The following SRD5A3 variants were observed in gnomAD, a reference collection of about 807,000 sequenced individuals.
The protein encoded by SRD5A3 is polyprenal reductase.
A neutral mutation model predicts 34.3 loss-of-function variants in SRD5A3; 24 were observed. That is an observed-to-expected ratio of 0.70 (90% confidence interval 0.51 to 0.99). The LOEUF is 0.99. Ranked by LOEUF, SRD5A3 falls within the 50% of genes least tolerant of loss-of-function variation. The pLI is 0.00. For synonymous variants in SRD5A3, 161 were observed against 167.3 expected (o/e 0.96, Z 0.29); for missense variants, 350 against 388.2 (o/e 0.90, Z 0.83).
chr4:55,362,608 C>T (rs1344597665), intron 2 of SRD5A3, among the ~76,000 whole-genome samples: 2 of 150,778 alleles, frequency 1.3e-5, no homozygotes, highest in Non-Finnish European at 3.0e-5. Flanking sequence ...GTGCACGCCA[C>T]TATGCCCAGC....
In SRD5A3 at chr4:55,355,686, A is replaced by G. The variant is rs116074224; in HGVS notation, c.222-3660A>G. Among the ~76,000 whole-genome samples, 1,193 of 152,296 alleles carry G rather than the reference A, an allele frequency of 7.8e-3. 12 individuals are homozygous for G. The highest frequency in any genetic ancestry group is 0.014 in the Middle Eastern group (4 of 294). On this transcript the variant is annotated intron_variant, in intron 1 of 4. Transcript: ENST00000264228. ...AACATAAGGCTGGAAAAGCAAGTTCAGGCACGCCTAGGTTGCATGAAAGCA... is the reference window on the plus strand; with the variant it reads ...AACATAAGGCTGGAAAAGCAAGTTCGGGCACGCCTAGGTTGCATGAAAGCA...
intron 1 of SRD5A3, 107 bp downstream of exon 1, chr4:55,346,664 G>C (rs1194841488): frequency 7.1e-6 from 8 of 1,119,966 alleles, no homozygotes; most frequent in Non-Finnish European, 9.6e-6. Flanking sequence ...ACCCGGCCTG[G>C]GAGGCCCTGG....
At chr4:55,356,463 G>C (rs1257012160) in intron 1 of SRD5A3, among the ~76,000 whole-genome samples, 1 of 152,016 alleles carries the variant, frequency 6.6e-6, no homozygotes, top group African/African-American at 2.4e-5. Flanking sequence ...TTGTCCATCA[G>C]CCAGAGAGAT....
chr4:55,362,208 A>G (rs1441459452), intron 2 of SRD5A3, among the ~76,000 whole-genome samples: 2 of 150,000 alleles, frequency 1.3e-5, no homozygotes, highest in East Asian at 4.0e-4. Context: ...GCTCACCACA[A>G]CCTACCCCTC....
At chr4:55,365,302 G>A (rs185023678) in intron 3 of SRD5A3, among the ~76,000 whole-genome samples, 8 of 152,278 alleles carry the variant, frequency 5.3e-5, no homozygotes, top group Non-Finnish European at 5.9e-5. Flanking sequence ...TGAGTGCCCC[G>A]TGAAAGTCGT....
At position 55,359,446 on chromosome 4, in the gene SRD5A3, C is replaced by T. The variant is rs1719595042; in HGVS notation, c.322C>T (p.Leu108Phe). 3 of 1,613,948 alleles carry T rather than the reference C, an allele frequency of 1.9e-6. No homozygotes were observed. The highest frequency in any genetic ancestry group is 2.5e-6 in the Non-Finnish European group (3 of 1,180,012). Residue 108 changes from leucine to phenylalanine, a missense_variant, in exon 2 of 5, where the codon CTT (leucine) becomes TTT (phenylalanine). Coordinates refer to ENST00000264228, the MANE Select transcript of SRD5A3 (RefSeq NM_024592.5). The part of the protein sequence containing the change: ...LFLGAPFPSW[L>F]HGLLRILGAA... Reference sequence around the variant, plus strand: ...CCTGGGAGCACCTTTTCCAAGCTGGCTTCATGGTTTGCTCAGAATTCTCGG... The same window carrying T: ...CCTGGGAGCACCTTTTCCAAGCTGGTTTCATGGTTTGCTCAGAATTCTCGG...
At chr4:55,361,482 C>CAA (rs59113946) in intron 2 of SRD5A3, among the ~76,000 whole-genome samples, 160 of 101,980 alleles carry the variant, frequency 1.6e-3, no homozygotes, top group African/African-American at 5.7e-3. Flanking sequence ...GACTCCGTCT[C>CAA]AAAAAAAAAA....
intron 3 of SRD5A3, 35 bp from the exon 4 acceptor site, chr4:55,367,553 T>G: frequency 6.2e-7 from 1 of 1,612,374 alleles, no homozygotes; most frequent in Non-Finnish European, 8.5e-7. Context: ...CCTGTGAAAT[T>G]GTTTAGTGTT....
chr4:55,361,628 C>G (rs1719688802), intron 2 of SRD5A3, among the ~76,000 whole-genome samples: 1 of 151,930 alleles, frequency 6.6e-6, no homozygotes. Context: ...ATGGTGAAAC[C>G]CCCGTCTCTA....
At position 55,364,259 on chromosome 4, in the gene SRD5A3, G is replaced by A. The variant is rs746499798; in HGVS notation, c.550G>A (p.Asp184Asn). The change falls in exon 3 of 5, where the codon GAT becomes AAT. Residue 184 changes from aspartate (D) to asparagine (N), a missense_variant. Asp to Asn is a conservative substitution (Grantham distance 23). Coordinates refer to ENST00000264228, the MANE Select transcript of SRD5A3 (RefSeq NM_024592.5). ...AACTGTGCTGAGCCAAGTGCCAATG[G>A]ATGGCAGGAATGGTGAGTGGATCCA... ...GLTVLSQVPM[D>N]GRNAYITGKN... 17 of 1,613,996 alleles carry A rather than the reference G, an allele frequency of 1.1e-5. No individual in the cohort carries two copies. Among genetic ancestry groups the A allele is most frequent in the Admixed American group, 1.7e-5 (1 of 59,996 alleles).
chr4:55,362,953 C>T (rs974643412), intron 2 of SRD5A3, among the ~76,000 whole-genome samples: 2 of 150,492 alleles, frequency 1.3e-5, no homozygotes, highest in Admixed American at 1.3e-4. Flanking sequence ...TCAAGCAGTT[C>T]TACTACCTCA....
chr4:55,362,153 A>T (rs1252534317), intron 2 of SRD5A3, among the ~76,000 whole-genome samples: 1 of 143,490 alleles, frequency 7.0e-6, no homozygotes, highest in Non-Finnish European at 1.5e-5. Flanking sequence ...TTTGAGATGG[A>T]GCCTTGCTCT....
intron 1 of SRD5A3, among the ~76,000 whole-genome samples, chr4:55,353,239 A>G (rs183935132): frequency 1.9e-3 from 282 of 152,304 alleles, no homozygotes; most frequent in African/African-American, 6.3e-3. Flanking sequence ...GTCTAGCTAA[A>G]GGTTTGTAAA....
intron 1 of SRD5A3, among the ~76,000 whole-genome samples, chr4:55,355,387 G>A (rs1370298427): frequency 6.6e-6 from 1 of 151,928 alleles, no homozygotes; most frequent in Non-Finnish European, 1.5e-5. Context: ...GAACCCAGGA[G>A]GAAGAGTTTG....
chr4:55,356,023 T>C (rs1313885479), intron 1 of SRD5A3, among the ~76,000 whole-genome samples: 1 of 147,752 alleles, frequency 6.8e-6, no homozygotes, highest in African/African-American at 2.5e-5. Context: ...TTTTTTTTTT[T>C]TTTGATGCAA....
At chr4:55,346,868 A>G (rs1242171456) in intron 1 of SRD5A3, among the ~76,000 whole-genome samples, 3 of 152,208 alleles carry the variant, frequency 2.0e-5, no homozygotes, top group African/African-American at 4.8e-5. Context: ...ACGCATCCGA[A>G]TTTAGGCCTG....
At chr4:55,354,879 G>A (rs528492146) in intron 1 of SRD5A3, among the ~76,000 whole-genome samples, 53 of 152,362 alleles carry the variant, frequency 3.5e-4, no homozygotes, top group African/African-American at 1.3e-3. Flanking sequence ...TGTCTGTTGT[G>A]TTTGCTGTTG....
chr4:55,367,233 G>A (rs901283631), intron 3 of SRD5A3: 24 of 311,288 alleles, frequency 7.7e-5, no homozygotes, highest in Non-Finnish European at 1.1e-4. Context: ...CTTACCATTC[G>A]AAAGTAGATC....
At chr4:55,356,498 G>GTTTT (rs1719466942) in intron 1 of SRD5A3, among the ~76,000 whole-genome samples, 1 of 151,796 alleles carries the variant, frequency 6.6e-6, no homozygotes, top group Admixed American at 6.6e-5. Flanking sequence ...TTGTTTGTTT[G>GTTTT]TTTTGAGACA....
Sources: gnomAD v4.1 joint callset for allele counts (sites outside exome capture counted in the v4.1 genomes callset) on GRCh38, gnomAD v4.1.1 for gene constraint, MANE v1.5 for transcripts, NCBI Gene and HGNC (gene_info 2026-07-23, HGNC 2026-07-21) for gene names.